Variants in REV1 observed in about 807,000 individuals in gnomAD.
REV1 encodes the protein translesion synthesis protein REV1.
A neutral mutation model predicts 137.4 loss-of-function variants in REV1; 42 were observed. The observed-to-expected ratio is 0.31, with a 90% CI of 0.24 to 0.40. The LOEUF (loss-of-function observed/expected upper bound fraction) is 0.40, where lower values mean the gene tolerates loss of function less well. Ranked by LOEUF, REV1 falls within the 10% of genes least tolerant of loss-of-function variation. REV1 has a pLI of 1.00. For missense variants in REV1, 1,282 were observed against 1,490.1 expected, an observed-to-expected ratio of 0.86 and a Z score of 2.30; for synonymous variants, 524 against 519.2, an observed-to-expected ratio of 1.01 and a Z score of -0.12.
In REV1 at chr2:99,439,077, A is replaced by G. The variant is rs1315138368; in HGVS notation, c.737T>C (p.Val246Ala). ...LKTQDCLVPMVNSVASRLSPA... is the reference protein window; with the variant it reads ...LKTQDCLVPMANSVASRLSPA... ...AGAAAGCCTGCTGGCAACACTGTTG[A>G]CCATGGGCACCAAGCAATCCTGTGT... The change falls in exon 6 of 23, where the codon GTC (valine) becomes GCC (alanine). Residue 246 changes from valine (V) to alanine (A), a missense_variant. Physicochemically the swap from Val to Ala is moderately conservative, Grantham distance 64 (BLOSUM62 0). Around this residue, in one of 7 missense-constraint regions of REV1, gnomAD observed 432 missense variants for 438.0 expected, o/e 0.99. Coordinates refer to ENST00000258428, the MANE Select transcript of REV1 (RefSeq NM_016316.4). 2.5e-6 allele frequency: 4 copies of G among 1,614,114 alleles called. No individual in the cohort carries two copies. The highest frequency in any genetic ancestry group is 2.5e-6 in the Non-Finnish European group (3 of 1,179,982).
intron 5 of REV1, among the ~76,000 whole-genome samples, chr2:99,440,632 A>G (rs1347444554): frequency 6.6e-6 from 1 of 152,224 alleles, no homozygotes; most frequent in Non-Finnish European, 1.5e-5. Flanking sequence ...AAGAAAACCT[A>G]ATTTGTCACA....
intron 1 of REV1, among the ~76,000 whole-genome samples, chr2:99,474,101 C>T (rs1685711555): frequency 6.6e-6 from 1 of 152,186 alleles, no homozygotes; most frequent in Non-Finnish European, 1.5e-5. Context: ...CTTTATATTT[C>T]CTTCCTTTTA....
chr2:99,409,111 C>A (rs991392893), intron 14 of REV1, among the ~76,000 whole-genome samples: 3 of 152,118 alleles, frequency 2.0e-5, no homozygotes, highest in Non-Finnish European at 4.4e-5. Context: ...CCTGTCTCTA[C>A]ATAAATAAGT....
At chr2:99,477,154 C>T (rs372289119) in intron 1 of REV1, among the ~76,000 whole-genome samples, 29 of 152,262 alleles carry the variant, frequency 1.9e-4, no homozygotes, top group African/African-American at 6.7e-4. Flanking sequence ...AGTAATGGAA[C>T]ACCTCTCCCG....
intron 3 of REV1, among the ~76,000 whole-genome samples, chr2:99,457,403 C>G (rs1190446314): frequency 6.6e-6 from 1 of 152,112 alleles, no homozygotes; most frequent in Non-Finnish European, 1.5e-5. Flanking sequence ...TTATATAGGT[C>G]AGGTGCACTG....
rs534616400 is a variant in REV1, at chr2:99,404,588, G to T, written c.2901C>A (p.Gly967=). The T allele has an allele frequency of 6.2e-7, 1 of 1,613,734 alleles. No homozygotes were observed. The highest frequency in any genetic ancestry group is 8.5e-7 in the Non-Finnish European group (1 of 1,179,904). The part of the protein sequence containing the change: ...VCAVQQAESH[G]DKKKEPVNGC... Reference sequence around the variant, plus strand: ...CATTTACTGGTTCTTTCTTTTTGTCGCCATGTGACTCTGCTTGCTGGACAG... The same window carrying T: ...CATTTACTGGTTCTTTCTTTTTGTCTCCATGTGACTCTGCTTGCTGGACAG... The change falls in exon 18 of 23, where the codon GGC becomes GGA. Residue 967 remains glycine, a synonymous_variant. Coordinates refer to ENST00000258428, the MANE Select transcript of REV1 (RefSeq NM_016316.4).
rs769321431 is a variant in REV1 at position 99,434,464 on chromosome 2, T to G, written c.1322-16A>C. ...ACTGGTTTTCCTGTGAGGAAAATAT[T>G]AAATTATTTCTGTATGTGGTACAGG... On this transcript the variant is annotated splice_polypyrimidine_tract_variant and intron_variant, in intron 7 of 22. Transcript: ENST00000258428. The G allele has an allele frequency of 6.4e-7, 1 of 1,558,164 alleles. No individual in the cohort carries two copies. Among genetic ancestry groups the G allele is most frequent in the East Asian group, 2.3e-5 (1 of 43,568 alleles).
At chr2:99,419,878 T>C (rs917895835) in intron 11 of REV1, among the ~76,000 whole-genome samples, 6 of 152,208 alleles carry the variant, frequency 3.9e-5, no homozygotes, top group African/African-American at 1.4e-4. Flanking sequence ...ATCTTGGTTT[T>C]ATAGAAGACT....
intron 10 of REV1, 37 bp from the exon 11 acceptor site, chr2:99,421,690 C>T (rs754674115): frequency 1.9e-6 from 3 of 1,590,698 alleles, no homozygotes; most frequent in South Asian, 1.1e-5. Context: ...ATCACAGCCA[C>T]AGCCACCATC....
Position 99,418,373 on chromosome 2 carries a change from C to T in REV1, c.1951+455G>A, listed in dbSNP as rs141776148. 4.6e-5 allele frequency among the ~76,000 whole-genome samples: 7 copies of T among 152,268 alleles called. No individual in the cohort carries two copies. In the East Asian group the frequency reaches 1.3e-3, roughly 29 times the overall value. The stretch of plus-strand genomic sequence containing the variant: ...TTACGTTTCCTTTTTCCTAATACAG[C>T]TCACACACATTCTATTTATACTTTT... On this transcript the variant is annotated intron_variant, in intron 12 of 22. Transcript: ENST00000258428.
Position 99,404,635 on chromosome 2 carries a change from C to T in REV1, c.2854G>A (p.Glu952Lys). Residue 952 changes from glutamate to lysine, a missense_variant, in exon 18 of 23, where the codon GAA becomes AAA. Around this residue, in one of 7 missense-constraint regions of REV1, gnomAD observed 135 missense variants for 123.3 expected, o/e 1.10. Coordinates refer to ENST00000258428, the MANE Select transcript of REV1 (RefSeq NM_016316.4). The stretch of plus-strand genomic sequence containing the variant: ...ACAGCACAGACTTGCTCTACTTGTT[C>T]CCGGAGATCAGGTGGAAGTGCTTCT... ...VLEALPPDLR[E>K]QVEQVCAVQQ... 1 of 1,611,800 alleles carries T rather than the reference C, an allele frequency of 6.2e-7. No individual in the cohort carries two copies. The highest frequency in any genetic ancestry group is 8.5e-7 in the Non-Finnish European group (1 of 1,179,504).
chr2:99,410,963 G>T, intron 13 of REV1, 96 bp from the exon 14 acceptor site: 1 of 1,168,446 alleles, frequency 8.6e-7, no homozygotes, highest in Non-Finnish European at 1.2e-6. Context: ...TAAACATGTT[G>T]GTTACTCACT....
At chr2:99,446,799 C>T (rs1275293427) in intron 4 of REV1, among the ~76,000 whole-genome samples, 1 of 151,978 alleles carries the variant, frequency 6.6e-6, no homozygotes, top group Admixed American at 6.6e-5. Flanking sequence ...GGCCGGAAAA[C>T]ACCATTTTTC....
intron 1 of REV1, among the ~76,000 whole-genome samples, chr2:99,465,596 T>A (rs888546273): frequency 6.6e-6 from 1 of 152,248 alleles, no homozygotes; most frequent in Non-Finnish European, 1.5e-5. Flanking sequence ...GACCAAATGA[T>A]GGCTCACATT....
At chr2:99,429,678 G>A (rs1445567450) in intron 9 of REV1, among the ~76,000 whole-genome samples, 162 bp downstream of exon 9, 2 of 152,054 alleles carry the variant, frequency 1.3e-5, no homozygotes, top group African/African-American at 4.8e-5. Context: ...ATCTAGCACT[G>A]GTGGGGGGTT....
intron 11 of REV1, among the ~76,000 whole-genome samples, chr2:99,421,196 C>T (rs1488070082): frequency 6.6e-6 from 1 of 152,030 alleles, no homozygotes; most frequent in Non-Finnish European, 1.5e-5. Context: ...CATACCACCA[C>T]CTAGCTTTAA....
Position 99,460,170 on chromosome 2 carries a change from G to A in REV1, c.181+2326C>T, listed in dbSNP as rs144539491. 1.4e-3 allele frequency among the ~76,000 whole-genome samples: 211 copies of A among 152,170 alleles called. 7 individuals are homozygous for A. The East Asian group carries it at 0.03, about 22-fold the overall frequency. On this transcript the variant is annotated intron_variant, in intron 3 of 22. Transcript: ENST00000258428. ...CGGCTCACTTCAACCTCCGCCTCCC[G>A]GGTTCAAGTGATTCTCCTGCCTCAG... is the stretch of plus-strand genomic sequence containing the variant.
At chr2:99,480,453 C>A (rs1686495525) in intron 1 of REV1, among the ~76,000 whole-genome samples, 1 of 152,144 alleles carries the variant, frequency 6.6e-6, no homozygotes, top group Admixed American at 6.5e-5. Context: ...ATATATCATA[C>A]TAAGAAGTTT....
At chr2:99,403,657 T>C (rs190317640) in intron 19 of REV1, 38 bp downstream of exon 19, 2 of 1,613,834 alleles carry the variant, frequency 1.2e-6, no homozygotes, top group Admixed American at 1.7e-5. Context: ...CATTACTCTT[T>C]GTCTTCATTT....
Sources: gnomAD v4.1 joint callset for allele counts (sites outside exome capture counted in the v4.1 genomes callset) on GRCh38, gnomAD v4.1.1 for gene constraint, gnomAD v4.1.1 regional missense constraint, MANE v1.5 for transcripts, NCBI Gene and HGNC (gene_info 2026-07-23, HGNC 2026-07-21) for gene names.